The following TMEM38A variants were observed in gnomAD, a reference collection of about 807,000 sequenced individuals.
The protein encoded by TMEM38A is transmembrane protein 38A.
Under a neutral mutation model 28.6 loss-of-function variants are expected in TMEM38A, and 17 were observed. The ratio of observed to expected loss-of-function variants is 0.60; its 90% CI spans 0.41 to 0.89. The LOEUF is 0.89. Among genes scored for constraint, TMEM38A ranks in the 40% least tolerant of loss-of-function variants. The pLI is 0.00. For missense variants in TMEM38A, 328 were observed against 393.1 expected, an observed-to-expected ratio of 0.83 and a Z score of 1.40; for synonymous variants, 169 against 166.1, an observed-to-expected ratio of 1.02 and a Z score of -0.14.
chr19:16,668,271 G>A (rs1333691575), intron 1 of TMEM38A, among the ~76,000 whole-genome samples: 1 of 151,234 alleles, frequency 6.6e-6, no homozygotes, highest in Non-Finnish European at 1.5e-5. Context: ...GGGGCTGAAG[G>A]AGGTGGCTCA....
At chr19:16,681,773 A>G (rs2086783080) in intron 3 of TMEM38A, among the ~76,000 whole-genome samples, 1 of 152,166 alleles carries the variant, frequency 6.6e-6, no homozygotes, top group South Asian at 2.1e-4. Context: ...GTTTCTCAAC[A>G]TTGCCAGATG....
chr19:16,688,299 G>C lies in TMEM38A; in HGVS notation c.828G>C (p.Ser276=). 6.2e-7 allele frequency: 1 copy of C among 1,609,240 alleles called. No individual in the cohort carries two copies. The highest frequency in any genetic ancestry group is 8.5e-7 in the Non-Finnish European group (1 of 1,177,792). The part of the protein sequence containing the change: ...HSGGGPGAQH[S]AMPAKSKEEL... The stretch of plus-strand genomic sequence containing the variant: ...GTGGTGGGCCAGGAGCTCAGCATTC[G>C]GCCATGCCCGCCAAGTCCAAGGAGG... The change falls in exon 6 of 6, where the codon TCG becomes TCC. Residue 276 remains serine, a synonymous_variant. Transcript: ENST00000187762.
chr19:16,675,651 C>T (rs75413266), intron 1 of TMEM38A, among the ~76,000 whole-genome samples: 8,069 of 150,742 alleles, frequency 0.054, 403 homozygotes, highest in East Asian at 0.25. Context: ...CGGGTTGAAG[C>T]GATTCTCCTA....
In TMEM38A at chr19:16,688,364, C is replaced by T. The variant is rs1177790280; in HGVS notation, c.893C>T (p.Ala298Val). 9.5e-6 allele frequency: 15 copies of T among 1,582,936 alleles called. No individual in the cohort carries two copies. The highest frequency in any genetic ancestry group is 3.4e-5 in the South Asian group (3 of 87,264). ...EGSRKKKAKKAD is the reference protein window; with the variant it reads ...EGSRKKKAKKVD ...TCCAGGAAGAAGAAGGCCAAGAAGGCGGATTAGGGGGTGGCCCAAGGGGCA... is the reference window on the plus strand; with the variant it reads ...TCCAGGAAGAAGAAGGCCAAGAAGGTGGATTAGGGGGTGGCCCAAGGGGCA... Residue 298 changes from alanine (A) to valine (V), a missense_variant, in exon 6 of 6, where the codon GCG becomes GTG. Ala to Val is a moderately conservative substitution (Grantham distance 64). Transcript: ENST00000187762.
rs565791864 is a variant in TMEM38A, at chr19:16,687,544, G to A, written c.673-600G>A. ...TCCAAAAAAAGGAAAAGGAAGAAAT[G>A]TATTTCTTACAGTTCTGGAGGCTGG... On this transcript the variant is annotated intron_variant, in intron 5 of 5. Transcript: ENST00000187762. 1.1e-4 allele frequency among the ~76,000 whole-genome samples: 16 copies of A among 152,200 alleles called. 1 individual carries two copies. The South Asian group carries it at 2.5e-3, about 24-fold the overall frequency.
At chr19:16,665,587 T>C (rs918246369) in intron 1 of TMEM38A, among the ~76,000 whole-genome samples, 9 of 152,192 alleles carry the variant, frequency 5.9e-5, no homozygotes, top group African/African-American at 2.2e-4. Context: ...TTCACCACCA[T>C]GAGCTTCAGT....
rs894353981 is a variant in TMEM38A, at chr19:16,680,281, C to T, written c.282-116C>T. 4 of 1,476,450 alleles carry T rather than the reference C, an allele frequency of 2.7e-6. No homozygotes were observed. The African/African-American group carries it at 5.5e-5, about 20-fold the overall frequency. 91.5% of individuals were successfully genotyped at this position (1,476,450 alleles called of 1,614,324 possible). On this transcript the variant is annotated intron_variant, in intron 2 of 5. Transcript: ENST00000187762. Reference sequence around the variant, plus strand: ...CCCTGAATATGCTGCCCTCCATGCCCATCTCTGGTCTAGGCACAGCACGTT... The same window carrying T: ...CCCTGAATATGCTGCCCTCCATGCCTATCTCTGGTCTAGGCACAGCACGTT...
rs201291136 is a variant in TMEM38A at position 16,686,294 on chromosome 19, C to A, written c.561C>A (p.Thr187=). ...TGACAGCTGCTCCCTCCAGCCCCAC[C>A]AAGGCCAGCCTGTATGGAGCCATCC... ...TNEILHMSFP[T]KASLYGAILF... The change falls in exon 5 of 6, where the codon ACC becomes ACA. Residue 187 remains threonine, a synonymous_variant. Coordinates refer to ENST00000187762, the MANE Select transcript of TMEM38A (RefSeq NM_024074.4). 48 of 1,612,260 alleles carry A rather than the reference C, an allele frequency of 3.0e-5. No homozygotes were observed. In the Admixed American group the frequency reaches 5.0e-4, roughly 17 times the overall value.
At chr19:16,668,194 G>A (rs904322909) in intron 1 of TMEM38A, among the ~76,000 whole-genome samples, 6 of 151,962 alleles carry the variant, frequency 3.9e-5, no homozygotes, top group African/African-American at 1.5e-4. Context: ...GGGCAACAGA[G>A]CAAGACTCTG....
intron 1 of TMEM38A, among the ~76,000 whole-genome samples, chr19:16,674,389 CAAAAAAA>C (rs535347473): frequency 1.1e-5 from 1 of 87,200 alleles, no homozygotes; most frequent in South Asian, 4.0e-4. Flanking sequence ...CTCTTGTCTC[CAAAAAAA>C]AAAAAAAAAA....
At chr19:16,684,794 T>A (rs912284851) in intron 4 of TMEM38A, among the ~76,000 whole-genome samples, 11 of 149,496 alleles carry the variant, frequency 7.4e-5, no homozygotes, top group Non-Finnish European at 1.2e-4. Flanking sequence ...ATCCCAGCAC[T>A]GTGGGAGGCC....
chr19:16,674,025 G>A (rs1180423013), intron 1 of TMEM38A, among the ~76,000 whole-genome samples: 2 of 152,088 alleles, frequency 1.3e-5, no homozygotes, highest in Non-Finnish European at 2.9e-5. Flanking sequence ...GTTTGAGGCT[G>A]CAGTGAGCTA....
Position 16,689,393 on chromosome 19 carries a change from C to T in TMEM38A, c.*1022C>T, listed in dbSNP as rs1001757099. On this transcript the variant is annotated 3_prime_UTR_variant, in exon 6 of 6. Transcript: ENST00000187762. ...AAATGGCTTTGCATTTTAGATCATT[C>T]GTGTGTGTGGATCAGAGAAACGCAC... 9 of 152,190 alleles carry T rather than the reference C, an allele frequency of 5.9e-5. No homozygotes were observed. In the East Asian group the frequency reaches 7.7e-4, roughly 13 times the overall value. The allele number at this position is 152,190 out of a possible 1,614,324, so 9.4% of individuals were successfully genotyped here.
At chr19:16,683,066 C>T (rs1286676384) in intron 4 of TMEM38A, among the ~76,000 whole-genome samples, 3 of 152,142 alleles carry the variant, frequency 2.0e-5, no homozygotes, top group East Asian at 3.8e-4. Context: ...CTCCACCTCC[C>T]AGGTTCAAGA....
In TMEM38A at chr19:16,688,314, G is replaced by C; in HGVS notation, c.843G>C (p.Lys281Asn). 1.2e-6 allele frequency: 2 copies of C among 1,609,594 alleles called. No individual in the cohort carries two copies. Among genetic ancestry groups the C allele is most frequent in the Non-Finnish European group, 1.7e-6 (2 of 1,177,956 alleles). ...PGAQHSAMPA[K>N]SKEELSEGSR... Reference sequence around the variant, plus strand: ...CTCAGCATTCGGCCATGCCCGCCAAGTCCAAGGAGGAGTTGAGCGAGGGCT... The same window carrying C: ...CTCAGCATTCGGCCATGCCCGCCAACTCCAAGGAGGAGTTGAGCGAGGGCT... Residue 281 changes from lysine (K) to asparagine (N), a missense_variant, in exon 6 of 6, where the codon AAG (lysine) becomes AAC (asparagine). Lys to Asn is a moderately conservative substitution (Grantham distance 94). Transcript: ENST00000187762.
At position 16,676,184 on chromosome 19, in the gene TMEM38A, C is replaced by G. The variant is rs866953520; in HGVS notation, c.125-3800C>G. Among the ~76,000 whole-genome samples the G allele has an allele frequency of 2.0e-4, 27 of 134,828 alleles. 1 individual carries two copies. In the Middle Eastern group the frequency reaches 0.018, roughly 92 times the overall value. The allele number at this position is 134,828 out of a possible 152,430, so 88.5% of individuals were successfully genotyped here. On this transcript the variant is annotated intron_variant, in intron 1 of 5. Coordinates refer to ENST00000187762, the MANE Select transcript of TMEM38A (RefSeq NM_024074.4). Reference sequence around the variant, plus strand: ...GACCATCTTGGCTAACACAGTGAAACCCCGTCTCTACTAAAATTACAAAAA... The same window carrying G: ...GACCATCTTGGCTAACACAGTGAAAGCCCGTCTCTACTAAAATTACAAAAA...
chr19:16,663,695 AT>A (rs1177464598), intron 1 of TMEM38A, among the ~76,000 whole-genome samples: 369 of 141,800 alleles, frequency 2.6e-3, no homozygotes, highest in Non-Finnish European at 2.7e-3. Flanking sequence ...TGCCCGGCTA[AT>A]TTTTTTTTTT....
In TMEM38A at chr19:16,680,007, C is replaced by T. The variant is rs755690410; in HGVS notation, c.148C>T (p.His50Tyr). 1.2e-6 allele frequency: 2 copies of T among 1,608,696 alleles called. No homozygotes were observed. Among genetic ancestry groups the T allele is most frequent in the Admixed American group, 1.7e-5 (1 of 59,992 alleles). Residue 50 changes from histidine (H) to tyrosine (Y), a missense_variant, in exon 2 of 6, where the codon CAC (histidine) becomes TAC (tyrosine). Transcript: ENST00000187762. ...EPGAVELSRR[H>Y]PIASWLCAML... The stretch of plus-strand genomic sequence containing the variant: ...AGGAGCAGTCGAACTGTCCCGGCGC[C>T]ACCCCATCGCGTCCTGGCTGTGCGC...
intron 1 of TMEM38A, among the ~76,000 whole-genome samples, chr19:16,662,899 C>G (rs1183670745): frequency 6.6e-6 from 1 of 151,958 alleles, no homozygotes; most frequent in Non-Finnish European, 1.5e-5. Context: ...TTGTGTTGTC[C>G]TAGCATGAAC....
Sources: allele counts gnomAD v4.1 joint callset (sites outside exome capture counted in the v4.1 genomes callset), GRCh38; gene constraint gnomAD v4.1.1; transcripts MANE v1.5; gene names NCBI Gene and HGNC (gene_info 2026-07-23, HGNC 2026-07-21).